Variants in RASA3 observed in about 807,000 individuals in gnomAD.
The protein encoded by RASA3 is ras GTPase-activating protein 3.
Under a neutral mutation model 110.0 loss-of-function variants are expected in RASA3, and 73 were observed. That is an observed-to-expected ratio of 0.66 (90% CI 0.55 to 0.81). The LOEUF is 0.81. Ranked by LOEUF, RASA3 falls within the 30% of genes least tolerant of loss-of-function variation. The pLI, the probability that RASA3 is intolerant of heterozygous loss-of-function variation, is 0.00. For missense variants in RASA3, 976 were observed against 1,113.2 expected, an observed-to-expected ratio of 0.88 and a Z score of 1.75; for synonymous variants, 500 against 451.4, an observed-to-expected ratio of 1.11 and a Z score of -1.37.
At chr13:114,127,539 CCAA>C (rs745647607) in intron 1 of RASA3, among the ~76,000 whole-genome samples, 54 of 152,356 alleles carry the variant, frequency 3.5e-4, no homozygotes, top group Non-Finnish European at 5.1e-4. Flanking sequence ...CCTAAGGTCA[CCAA>C]CAAGTCTCTC....
rs777581034 is a variant in RASA3, at chr13:114,011,206, C to G, written c.1555G>C (p.Val519Leu). ...SRTLTLISKT[V>L]QTLGSLSKSK... ...TTGGACAGGCTGCCGAGGGTCTGAACGGTCTTGGAGATCAATGTCAGCGTC... is the reference window on the plus strand; with the variant it reads ...TTGGACAGGCTGCCGAGGGTCTGAAGGGTCTTGGAGATCAATGTCAGCGTC... The change falls in exon 16 of 24, where the codon GTT becomes CTT. Residue 519 changes from valine (V) to leucine (L), a missense_variant. Physicochemically the swap from Val to Leu is conservative, Grantham distance 32 (BLOSUM62 1). Transcript: ENST00000334062. The surrounding 1 kb of genome is among the most constrained non-coding windows in gnomAD (Gnocchi z 4.8). 1 of 1,612,884 alleles carries G rather than the reference C, an allele frequency of 6.2e-7. No homozygotes were observed. Among genetic ancestry groups the G allele is most frequent in the Non-Finnish European group, 8.5e-7 (1 of 1,179,658 alleles).
chr13:114,081,416 C>T (rs925803030), intron 1 of RASA3, among the ~76,000 whole-genome samples: 4 of 152,246 alleles, frequency 2.6e-5, no homozygotes, highest in Non-Finnish European at 5.9e-5. Flanking sequence ...TCTGGAAATG[C>T]TGTCCGCAGA....
intron 2 of RASA3, among the ~76,000 whole-genome samples, chr13:114,060,018 C>T (rs1041732853): frequency 3.3e-5 from 5 of 152,354 alleles, no homozygotes; most frequent in East Asian, 3.9e-4. Flanking sequence ...GCTTGAACAG[C>T]GCTGTGGACG....
chr13:114,118,047 T>TA (rs1261131019), intron 1 of RASA3, among the ~76,000 whole-genome samples: 2 of 152,202 alleles, frequency 1.3e-5, no homozygotes, highest in East Asian at 3.9e-4. Context: ...AACAGCCGTT[T>TA]AGAAGTGCCT....
chr13:114,017,534 C>T (rs940335963), intron 11 of RASA3, among the ~76,000 whole-genome samples, 183 bp from the exon 12 acceptor site: 1 of 152,234 alleles, frequency 6.6e-6, no homozygotes, highest in Non-Finnish European at 1.5e-5. Context: ...GCCATGGAAC[C>T]GTCCTGTGTC....
intron 8 of RASA3, 64 bp downstream of exon 8, chr13:114,024,215 C>A (rs2053984914): frequency 6.9e-7 from 1 of 1,448,794 alleles, no homozygotes; most frequent in Non-Finnish European, 9.7e-7. Flanking sequence ...TAACAAAGAA[C>A]AAAAGAGCTG....
At chr13:114,050,831 A>G (rs1253552514) in intron 3 of RASA3, among the ~76,000 whole-genome samples, 1 of 152,206 alleles carries the variant, frequency 6.6e-6, no homozygotes, top group Non-Finnish European at 1.5e-5. Context: ...AGGACACTCA[A>G]GCTCTGAGGT....
At chr13:114,098,718 C>T (rs548932674) in intron 1 of RASA3, among the ~76,000 whole-genome samples, 45 of 152,138 alleles carry the variant, frequency 3.0e-4, no homozygotes, top group African/African-American at 4.1e-4. Context: ...GAAGGAACCC[C>T]GTGGGATGTC....
At chr13:114,013,859 TCTCCCTGTCTCTCTCCCTA>T (rs1566478765) in intron 14 of RASA3, among the ~76,000 whole-genome samples, 18 of 23,886 alleles carry the variant, frequency 7.5e-4, no homozygotes, top group Non-Finnish European at 1.2e-3. Context: ...TCTCTGTCTC[TCTCCCTGTCTCTCTCCCTA>T]TCTCTGTCTC....
intron 3 of RASA3, among the ~76,000 whole-genome samples, chr13:114,050,700 G>A (rs953223642): frequency 6.6e-6 from 1 of 152,234 alleles, no homozygotes; most frequent in Non-Finnish European, 1.5e-5. Context: ...CCGGGACATG[G>A]CAGAGTGCAG....
intron 3 of RASA3, among the ~76,000 whole-genome samples, chr13:114,051,294 G>T (rs182277074): frequency 1.4e-3 from 209 of 152,316 alleles, no homozygotes; most frequent in African/African-American, 4.8e-3. Context: ...TCCTGGGCGT[G>T]AGCTCAGGCG....
rs529886921 is a variant in RASA3, at chr13:113,980,669, G to A, written c.2429+1006C>T. Among the ~76,000 whole-genome samples the A allele has an allele frequency of 2.6e-5, 4 of 152,346 alleles. No homozygotes were observed. In the East Asian group the frequency reaches 7.7e-4, roughly 29 times the overall value. On this transcript the variant is annotated intron_variant, in intron 23 of 23. Coordinates refer to ENST00000334062, the MANE Select transcript of RASA3 (RefSeq NM_007368.4). ...TGTCTCCCCAGAAGGGTGTCGAGAGGGATCTGATATGATGATGTCAGAGGT... is the reference window on the plus strand; with the variant it reads ...TGTCTCCCCAGAAGGGTGTCGAGAGAGATCTGATATGATGATGTCAGAGGT...
chr13:113,994,415 C>T (rs766942491), intron 21 of RASA3, among the ~76,000 whole-genome samples: 20 of 152,142 alleles, frequency 1.3e-4, no homozygotes, highest in Non-Finnish European at 2.6e-4. Context: ...CTTGTAAAAA[C>T]TTTGCAGTGA....
intron 16 of RASA3, among the ~76,000 whole-genome samples, chr13:114,009,780 G>A (rs1299595720): frequency 6.6e-6 from 1 of 152,192 alleles, no homozygotes; most frequent in African/African-American, 2.4e-5. Flanking sequence ...GGTACGTTGG[G>A]GCCCAGATGT....
intron 4 of RASA3, among the ~76,000 whole-genome samples, chr13:114,039,912 C>T (rs888123163): frequency 3.3e-5 from 5 of 152,180 alleles, no homozygotes; most frequent in African/African-American, 1.2e-4. Context: ...TGGCCACTTT[C>T]GACAATGGAC....
At chr13:114,029,198 T>C (rs2054095768) in intron 5 of RASA3, among the ~76,000 whole-genome samples, 1 of 28,702 alleles carries the variant, frequency 3.5e-5, no homozygotes, top group African/African-American at 3.7e-4. Context: ...GGCCAGGACC[T>C]CTAAAACGGC....
Position 114,057,282 on chromosome 13 carries a change from T to G in RASA3, c.174-5127A>C. 1.0e-6 allele frequency: 1 copy of G among 985,464 alleles called. No homozygotes were observed. The highest frequency in any genetic ancestry group is 1.2e-6 in the Non-Finnish European group (1 of 829,940). 61.0% of individuals were successfully genotyped at this position (985,464 alleles called of 1,614,324 possible). ...GTCTTTCAGGAAACCAGGCAGGACA[T>G]CTGCAGGCGGCCGGCCAGCCTTATC... is the stretch of plus-strand genomic sequence containing the variant. On this transcript the variant is annotated intron_variant, in intron 2 of 23. Coordinates refer to ENST00000334062, the MANE Select transcript of RASA3 (RefSeq NM_007368.4). This position sits in a 1 kb window ranked among gnomAD's most constrained non-coding sequence, Gnocchi z 5.0.
intron 5 of RASA3, 118 bp from the exon 6 acceptor site, chr13:114,028,045 C>A (rs764547184): frequency 2.4e-6 from 2 of 817,108 alleles, no homozygotes; most frequent in East Asian, 2.7e-5. Context: ...GTTTCCTCAC[C>A]GGAAGGCAGG....
intron 8 of RASA3, among the ~76,000 whole-genome samples, chr13:114,023,551 C>A (rs1044485440): frequency 6.6e-6 from 1 of 152,224 alleles, no homozygotes; most frequent in African/African-American, 2.4e-5. Flanking sequence ...CTTATTTTCA[C>A]TGGGAGGAGG....
Sources: allele counts gnomAD v4.1 joint callset (sites outside exome capture counted in the v4.1 genomes callset), GRCh38; gene constraint gnomAD v4.1.1; non-coding constraint Gnocchi (gnomAD v3.1); transcripts MANE v1.5; gene names NCBI Gene and HGNC (gene_info 2026-07-23, HGNC 2026-07-21).